The following PRR12 variants were observed in gnomAD, a reference collection of about 807,000 sequenced individuals.
The protein encoded by PRR12 is proline rich 12, also known as proline-rich protein 12.
In PRR12, 12 loss-of-function variants were observed where a neutral mutation model predicts 138.0. The ratio of observed to expected loss-of-function variants is 0.09; its 90% CI spans 0.06 to 0.14. The LOEUF (loss-of-function observed/expected upper bound fraction) is 0.14, where lower values mean the gene tolerates loss of function less well. Ranked by LOEUF, PRR12 falls within the 10% of genes least tolerant of loss-of-function variation. The pLI is 1.00. For missense variants in PRR12, 2,692 were observed against 2,861.3 expected, an observed-to-expected ratio of 0.94 and a Z score of 1.35; for synonymous variants, 1,567 against 1,291.7, an observed-to-expected ratio of 1.21 and a Z score of -4.57.
At position 49,596,413 on chromosome 19, in the gene PRR12, A is replaced by G; in HGVS notation, c.2078A>G (p.Glu693Gly). The G allele has an allele frequency of 1.2e-6, 2 of 1,608,498 alleles. No homozygotes were observed. Among genetic ancestry groups the G allele is most frequent in the African/African-American group, 1.3e-5 (1 of 74,786 alleles). ...GGTACACCCTACGAGTTGGCCAAGG[A>G]AGACCCCCAGAGGTACCACCTGCAG... Reference protein sequence around the residue: ...PPGTPYELAKEDPQRYHLQSV... With the variant: ...PPGTPYELAKGDPQRYHLQSV... Residue 693 changes from glutamate (E) to glycine (G), a missense_variant, in exon 4 of 14, where the codon GAA (glutamate) becomes GGA (glycine). Glu to Gly is a moderately conservative substitution (Grantham distance 98). Coordinates refer to ENST00000418929, the MANE Select transcript of PRR12 (RefSeq NM_020719.3). The surrounding 1 kb of genome is among the most constrained non-coding windows in gnomAD (Gnocchi z 5.6).
chr19:49,624,778 C>A, intron 11 of PRR12, 66 bp from the exon 12 acceptor site: 1 of 1,569,920 alleles, frequency 6.4e-7, no homozygotes, highest in South Asian at 1.2e-5. Flanking sequence ...GATCTGAGAC[C>A]TGGCTGTTGG....
At chr19:49,592,792 C>T (rs2080737619) in intron 1 of PRR12, among the ~76,000 whole-genome samples, 1 of 152,146 alleles carries the variant, frequency 6.6e-6, no homozygotes, top group Non-Finnish European at 1.5e-5. Flanking sequence ...GTCTTATTCC[C>T]TCTTCTCTCC....
At chr19:49,609,062 C>G (rs565246303) in intron 6 of PRR12, among the ~76,000 whole-genome samples, 2 of 152,236 alleles carry the variant, frequency 1.3e-5, no homozygotes, top group Admixed American at 1.3e-4. Flanking sequence ...GCCTGGAATC[C>G]CAGCACTTTG....
chr19:49,600,375 G>A (rs967848818), intron 5 of PRR12, among the ~76,000 whole-genome samples: 7 of 152,020 alleles, frequency 4.6e-5, no homozygotes, highest in Admixed American at 1.3e-4. Flanking sequence ...GAAGGGTTTA[G>A]GTTGTGCTCT....
In PRR12 at chr19:49,616,881, C is replaced by T. The variant is rs1331216506; in HGVS notation, c.5497+662C>T. Among the ~76,000 whole-genome samples, 1 of 152,156 alleles carries T rather than the reference C, an allele frequency of 6.6e-6. No individual in the cohort carries two copies. The highest frequency in any genetic ancestry group is 1.9e-4 in the East Asian group (1 of 5,202). On this transcript the variant is annotated intron_variant, in intron 9 of 13. Coordinates refer to ENST00000418929, the MANE Select transcript of PRR12 (RefSeq NM_020719.3). The surrounding 1 kb of genome is among the most constrained non-coding windows in gnomAD (Gnocchi z 4.2). ...CAGTGGCTCGCGCCTGTAATCCCAA[C>T]ACTTTGGGAGGCCAAGGTGGGCGGA...
intron 6 of PRR12, among the ~76,000 whole-genome samples, chr19:49,606,900 T>C (rs952787186): frequency 2.6e-5 from 4 of 152,126 alleles, no homozygotes; most frequent in African/African-American, 9.7e-5. Context: ...AAACAAGCCA[T>C]AGACCATTGT....
intron 4 of PRR12, among the ~76,000 whole-genome samples, chr19:49,598,238 T>C (rs1312369021): frequency 2.0e-5 from 3 of 151,124 alleles, no homozygotes; most frequent in African/African-American, 7.4e-5. Context: ...CACGCCCGGC[T>C]AGTTTTTTTG....
rs371675295 is a variant in PRR12 at position 49,595,958 on chromosome 19, C to G, written c.1623C>G (p.Leu541=). 159 of 1,600,598 alleles carry G rather than the reference C, an allele frequency of 9.9e-5. No individual in the cohort carries two copies. Among genetic ancestry groups the G allele is most frequent in the Non-Finnish European group, 1.3e-4 (154 of 1,179,666 alleles). ...LSYSTGHSPA[L]SGHGGGWGPS... ...ACAGTACCGGCCATTCCCCAGCGCTCTCGGGCCATGGGGGTGGCTGGGGAC... is the reference window on the plus strand; with the variant it reads ...ACAGTACCGGCCATTCCCCAGCGCTGTCGGGCCATGGGGGTGGCTGGGGAC... The change falls in exon 4 of 14, where the codon CTC becomes CTG. Residue 541 remains leucine, a synonymous_variant. Coordinates refer to ENST00000418929, the MANE Select transcript of PRR12 (RefSeq NM_020719.3).
In PRR12 at chr19:49,616,243, G is replaced by T; in HGVS notation, c.5497+24G>T. On this transcript the variant is annotated intron_variant, in intron 9 of 13. Coordinates refer to ENST00000418929, the MANE Select transcript of PRR12 (RefSeq NM_020719.3). The surrounding 1 kb of genome is among the most constrained non-coding windows in gnomAD (Gnocchi z 4.2). ...CGGTGAGGCCCTAGGCAGCCTCAGGGCTGCAGGGGTGGGTGGGGAAGGGAC... is the reference window on the plus strand; with the variant it reads ...CGGTGAGGCCCTAGGCAGCCTCAGGTCTGCAGGGGTGGGTGGGGAAGGGAC... The T allele has an allele frequency of 6.7e-7, 1 of 1,490,948 alleles. No individual in the cohort carries two copies. The highest frequency in any genetic ancestry group is 8.9e-7 in the Non-Finnish European group (1 of 1,118,464). 92.4% of individuals were successfully genotyped at this position (1,490,948 alleles called of 1,614,324 possible). A position where few individuals can be genotyped will look rare whatever the true frequency, so the allele number is the denominator to read the frequency against.
chr19:49,596,846 A>ACCC lies in PRR12; in HGVS notation c.2513_2514insCCC (p.Pro845dup). The ACCC allele has an allele frequency of 3.8e-6, 4 of 1,041,126 alleles. No individual in the cohort carries two copies. The highest frequency in any genetic ancestry group is 1.3e-5 in the South Asian group (1 of 79,714). The allele number at this position is 1,041,126 out of a possible 1,614,324, so 64.5% of individuals were successfully genotyped here. A position where few individuals can be genotyped will look rare whatever the true frequency, so the allele number is the denominator to read the frequency against. On this transcript the variant is annotated inframe_insertion, in exon 4 of 14. Transcript: ENST00000418929. This position sits in a 1 kb window ranked among gnomAD's most constrained non-coding sequence, Gnocchi z 5.6. ...GCGATGGGGCACCCCAGCCACCTCC[A>ACCC]CCGCCACCCCCGCCTCCACCACCCA...
chr19:49,620,541 G>T, intron 10 of PRR12, 64 bp downstream of exon 10: 2 of 1,543,694 alleles, frequency 1.3e-6, no homozygotes, highest in East Asian at 2.5e-5. Flanking sequence ...GGTGCTGAGG[G>T]CTTGGACGTG....
chr19:49,600,844 C>T (rs1009323716), intron 5 of PRR12, among the ~76,000 whole-genome samples: 1 of 152,120 alleles, frequency 6.6e-6, no homozygotes, highest in African/African-American at 2.4e-5. Context: ...CCTGCCTCAG[C>T]CTCCCGAGTA....
intron 9 of PRR12, among the ~76,000 whole-genome samples, chr19:49,617,151 G>T: frequency 6.6e-6 from 1 of 150,784 alleles, no homozygotes; most frequent in African/African-American, 2.4e-5. Flanking sequence ...AAAAAAGTCT[G>T]GTTAGTGATG....
chr19:49,617,986 G>A (rs1213348269), intron 9 of PRR12, among the ~76,000 whole-genome samples: 4 of 152,062 alleles, frequency 2.6e-5, no homozygotes, highest in Non-Finnish European at 5.9e-5. Flanking sequence ...TAATCACAGC[G>A]ACTCGGGAGG....
At chr19:49,602,360 G>A (rs1012817213) in intron 6 of PRR12, among the ~76,000 whole-genome samples, 1 of 152,130 alleles carries the variant, frequency 6.6e-6, no homozygotes, top group Non-Finnish European at 1.5e-5. Flanking sequence ...ATGTGTCATT[G>A]ACATAGACTA....
At position 49,595,353 on chromosome 19, in the gene PRR12, TC is replaced by T. The variant is rs1243759563; in HGVS notation, c.1022del (p.Pro341ArgfsTer129). 2 of 1,540,922 alleles carry T rather than the reference TC, an allele frequency of 1.3e-6. No homozygotes were observed. The highest frequency in any genetic ancestry group is 8.7e-7 in the Non-Finnish European group (1 of 1,143,102). ...CAGCCCCCTGGGTGGTGGGGAGCCC[TC>T]CCCGGGTGCTGGGGAGCCTAGCAAG... ...ACSPLGGGEPSPGAGEPSKAG... is the reference protein window; with the variant it reads ...ACSPLGGGEPXPGAGEPSKAG... On this transcript the variant is annotated frameshift_variant, in exon 4 of 14. Transcript: ENST00000418929. LOFTEE classifies it high-confidence loss of function.
At chr19:49,612,568 A>G (rs547141079) in intron 6 of PRR12, among the ~76,000 whole-genome samples, 13 of 152,222 alleles carry the variant, frequency 8.5e-5, no homozygotes, top group African/African-American at 3.1e-4. Context: ...TACAGTGTCA[A>G]CAGCTTCCTG....
chr19:49,591,240 A>C lies in PRR12; in HGVS notation c.-415A>C, dbSNP rs1341468898. ...TGCACCGTGAGCGCAGAGGAGGAGG[A>C]GGCGGCGGCGGCGGCGGCGAGAGAG... On this transcript the variant is annotated 5_prime_UTR_variant, in exon 1 of 14. Transcript: ENST00000418929. Among the ~76,000 whole-genome samples the C allele has an allele frequency of 2.2e-4, 28 of 128,824 alleles. No homozygotes were observed. The highest frequency in any genetic ancestry group is 8.0e-4 in the South Asian group (3 of 3,754). The allele number at this position is 128,824 out of a possible 152,430, so 84.5% of individuals were successfully genotyped here.
In PRR12 at chr19:49,594,320, G is replaced by C; in HGVS notation, c.200-134G>C. The C allele has an allele frequency of 1.3e-6, 1 of 746,674 alleles. No homozygotes were observed. The highest frequency in any genetic ancestry group is 2.0e-5 in the South Asian group (1 of 50,466). The allele number at this position is 746,674 out of a possible 1,614,324, so 46.3% of individuals were successfully genotyped here. A position where few individuals can be genotyped will look rare whatever the true frequency, so the allele number is the denominator to read the frequency against. Reference sequence around the variant, plus strand: ...TCATTAGCTTGGTTCTATCCATCTTGTTTTTGAATTTGCCCTTTTCTCTCC... The same window carrying C: ...TCATTAGCTTGGTTCTATCCATCTTCTTTTTGAATTTGCCCTTTTCTCTCC... On this transcript the variant is annotated intron_variant, in intron 2 of 13. Transcript: ENST00000418929. The surrounding 1 kb of genome is among the most constrained non-coding windows in gnomAD (Gnocchi z 5.6).
Sources: allele counts gnomAD v4.1 joint callset (sites outside exome capture counted in the v4.1 genomes callset), GRCh38; gene constraint gnomAD v4.1.1; non-coding constraint Gnocchi (gnomAD v3.1); transcripts MANE v1.5; gene names NCBI Gene and HGNC (gene_info 2026-07-23, HGNC 2026-07-21).